The following ODF2 variants were observed in gnomAD, a reference collection of about 807,000 sequenced individuals.
ODF2 encodes the protein outer dense fiber of sperm tails 2.
Under a neutral mutation model 110.2 loss-of-function variants are expected in ODF2, and 47 were observed. That is an observed-to-expected ratio of 0.43 (90% CI 0.34 to 0.54). The LOEUF is 0.54. Among genes scored for constraint, ODF2 ranks in the 20% least tolerant of loss-of-function variants. The probability of loss-of-function intolerance (pLI) is 0.03; values close to 1 mark genes in which losing one functional copy is unlikely to be tolerated. For synonymous variants in ODF2, 352 were observed against 397.7 expected (o/e 0.89, Z 1.37); for missense variants, 812 against 1,054.5 (o/e 0.77, Z 3.19).
rs759773449 is a variant in ODF2, at chr9:128,460,531, G to A, written c.124-411G>A. ...TCCACAGATCAACCATTTTTGTGTT[G>A]TCCTCCCCCACCTGCCAGAAGCCAA... On this transcript the variant is annotated intron_variant, in intron 3 of 20. Coordinates refer to ENST00000604420, the Ensembl canonical transcript of ODF2. The A allele has an allele frequency of 1.4e-5, 22 of 1,610,162 alleles. No individual in the cohort carries two copies. In the South Asian group the frequency reaches 1.7e-4, roughly 12 times the overall value.
At chr9:128,460,517 A>G (rs1206416556) in intron 3 of ODF2, 33 bp from the exon 3 acceptor site, 1 of 1,609,436 alleles carries the variant, frequency 6.2e-7, no homozygotes, top group South Asian at 1.1e-5. Context: ...CCACAGATCA[A>G]CCATTTTTGT....
At chr9:128,456,226 GC>G (rs1834733065) in exon 1 of ODF2, 1 of 1,546,498 alleles carries the variant, frequency 6.5e-7, no homozygotes, top group Non-Finnish European at 8.7e-7. Flanking sequence ...TCATAAGGCG[GC>G]GTTTCTGGGC....
At chr9:128,455,888 G>A, upstream of ODF2, 3 of 1,236,870 alleles carry the variant, frequency 2.4e-6, no homozygotes, top group East Asian at 2.9e-5. Context: ...CCAAGGCAGG[G>A]GAAACAGGGC....
chr9:128,478,009 T>G (rs1432409843), intron 8 of ODF2, among the ~76,000 whole-genome samples: 2 of 151,962 alleles, frequency 1.3e-5, no homozygotes, highest in African/African-American at 2.4e-5. Context: ...ATTAATTTTT[T>G]TGTTTGTTTT....
chr9:128,479,172 A>G (rs1250115464), intron 8 of ODF2, among the ~76,000 whole-genome samples: 1 of 152,178 alleles, frequency 6.6e-6, no homozygotes, highest in African/African-American at 2.4e-5. Context: ...CTAGGTGCCC[A>G]GGAAACTTTG....
At chr9:128,491,086 C>T (rs967631438) in intron 14 of ODF2, among the ~76,000 whole-genome samples, 12 of 151,968 alleles carry the variant, frequency 7.9e-5, no homozygotes, top group East Asian at 5.8e-4. Flanking sequence ...CTCCAGACCT[C>T]CAGGCTGGAG....
At chr9:128,459,771 C>A in intron 3 of ODF2, 114 bp downstream of exon 2, 1 of 705,418 alleles carries the variant, frequency 1.4e-6, no homozygotes, top group Non-Finnish European at 2.4e-6. Context: ...CCCAGTTGCT[C>A]TGCTAGGTGC....
intron 11 of ODF2, 138 bp from the exon 12 acceptor site, chr9:128,484,563 C>G (rs1464615500): frequency 1.1e-6 from 1 of 890,916 alleles, no homozygotes; most frequent in Non-Finnish European, 1.7e-6. Context: ...TCTCACACAG[C>G]TAAGCACTTT....
At chr9:128,456,190 G>C (rs771347160) in exon 1 of ODF2, 11 of 1,548,554 alleles carry the variant, frequency 7.1e-6, no homozygotes, top group Non-Finnish European at 8.7e-6. Context: ...TCCATGGCAC[G>C]ACCCTGGCCT....
intron 1 of ODF2, chr9:128,456,877 A>G: frequency 1.6e-6 from 2 of 1,284,768 alleles, no homozygotes; most frequent in Non-Finnish European, 2.0e-6. Flanking sequence ...TCCCTCCTTT[A>G]AACACTATTG....
chr9:128,472,195 G>A (rs1840194871), intron 6 of ODF2, among the ~76,000 whole-genome samples: 2 of 152,118 alleles, frequency 1.3e-5, no homozygotes, highest in African/African-American at 4.8e-5. Context: ...CAGGAGAACT[G>A]CTTGATCCTG....
chr9:128,460,183 G>T (rs1007184450), intron 3 of ODF2: 2 of 1,301,494 alleles, frequency 1.5e-6, no homozygotes, highest in South Asian at 1.2e-5. Flanking sequence ...AGAAGGATCC[G>T]CCTGCTTTCC....
In ODF2 at chr9:128,484,058, C is replaced by T. The variant is rs756369833; in HGVS notation, c.1104+4C>T. On this transcript the variant is annotated splice_donor_region_variant and intron_variant, in intron 11 of 20. Coordinates refer to ENST00000604420, the Ensembl canonical transcript of ODF2. ...TCGCCTGTGCATGCAGATTAAGGTACCTATTGGCCCCACAAGTGGGGAAAG... is the reference window on the plus strand; with the variant it reads ...TCGCCTGTGCATGCAGATTAAGGTATCTATTGGCCCCACAAGTGGGGAAAG... 3.1e-6 allele frequency: 5 copies of T among 1,600,204 alleles called. No individual in the cohort carries two copies. In the South Asian group the frequency reaches 4.4e-5, roughly 14 times the overall value.
At chr9:128,490,422 A>G (rs553019371) in intron 14 of ODF2, among the ~76,000 whole-genome samples, 2 of 152,030 alleles carry the variant, frequency 1.3e-5, no homozygotes, top group Non-Finnish European at 2.9e-5. Context: ...AGCTGGGATT[A>G]CAGGCATCCA....
intron 1 of ODF2, chr9:128,456,665 C>T: frequency 6.8e-7 from 1 of 1,459,902 alleles, no homozygotes; most frequent in Non-Finnish European, 9.0e-7. Context: ...CTCGTCCTCT[C>T]CTCGGGCCTC....
chr9:128,455,316 C>T (rs903937988), upstream of ODF2: 12 of 1,218,588 alleles, frequency 9.8e-6, no homozygotes, highest in Non-Finnish European at 1.4e-5. Flanking sequence ...CTTTGGAAGG[C>T]CGAGGCGGGT....
At chr9:128,482,732 C>A in intron 9 of ODF2, 84 bp from the exon 10 acceptor site, 1 of 1,014,894 alleles carries the variant, frequency 9.9e-7, no homozygotes, top group Non-Finnish European at 1.5e-6. Flanking sequence ...CCCCAGTGGC[C>A]AGGTACTCAC....
chr9:128,492,414 C>A lies in ODF2; in HGVS notation c.1537-12C>A, dbSNP rs371875115. ...ACCTTCCTGTGGGTTACTCATGAGCCATCCCTTCCAGGCCAGCTTTGCTCC... is the reference window on the plus strand; with the variant it reads ...ACCTTCCTGTGGGTTACTCATGAGCAATCCCTTCCAGGCCAGCTTTGCTCC... On this transcript the variant is annotated splice_polypyrimidine_tract_variant and intron_variant, in intron 14 of 20. Transcript: ENST00000604420. 2.7e-5 allele frequency: 43 copies of A among 1,596,938 alleles called. No individual in the cohort carries two copies. The African/African-American group carries it at 4.6e-4, about 17-fold the overall frequency.
chr9:128,470,909 G>C (rs1839828857), intron 5 of ODF2, among the ~76,000 whole-genome samples: 1 of 68,614 alleles, frequency 1.5e-5, no homozygotes, highest in Non-Finnish European at 2.6e-5. Context: ...TTATTTTTTT[G>C]TTTTTGTTTT....
Sources: allele counts gnomAD v4.1 joint callset (sites outside exome capture counted in the v4.1 genomes callset), GRCh38; gene constraint gnomAD v4.1.1; transcripts MANE v1.5; gene names NCBI Gene and HGNC (gene_info 2026-07-23, HGNC 2026-07-21).